NAA25: variants seen among roughly 807,000 people sequenced by gnomAD.
NAA25 encodes N-alpha-acetyltransferase 25, NatB auxiliary subunit, also known as N-terminal acetyltransferase B complex subunit NAA25.
NAA25 carries 30 observed loss-of-function variants against 132.5 expected under a neutral mutation model. The ratio of observed to expected loss-of-function variants is 0.23; its 90% CI spans 0.17 to 0.31. NAA25 has a LOEUF of 0.31. Ranked by LOEUF, NAA25 falls within the 10% of genes least tolerant of loss-of-function variation. NAA25 has a pLI of 1.00. For synonymous variants in NAA25, 359 were observed against 401.9 expected (o/e 0.89, Z 1.28); for missense variants, 771 against 1,150.4 (o/e 0.67, Z 4.77).
chr12:112,043,342 T>C, intron 18 of NAA25, 131 bp from the exon 19 acceptor site: 1 of 950,908 alleles, frequency 1.1e-6, no homozygotes, highest in South Asian at 2.0e-5. Flanking sequence ...AGCAAACTAA[T>C]AACTGAATCA....
chr12:112,033,505 A>C (rs2078178641), intron 22 of NAA25, 126 bp from the exon 23 acceptor site: 2 of 767,982 alleles, frequency 2.6e-6, no homozygotes, highest in Non-Finnish European at 3.9e-6. Context: ...GTTTCAAGTG[A>C]ATGAATGGTA....
chr12:112,077,879 T>TA (rs887833322), intron 7 of NAA25, among the ~76,000 whole-genome samples: 6 of 148,030 alleles, frequency 4.1e-5, no homozygotes, highest in Admixed American at 6.8e-5. Context: ...CATTCGTGTT[T>TA]AAAAAAAAAA....
intron 5 of NAA25, 82 bp downstream of exon 5, chr12:112,080,978 C>A (rs944122539): frequency 4.4e-5 from 53 of 1,198,574 alleles, no homozygotes; most frequent in African/African-American, 2.9e-4. Flanking sequence ...ACAAAAAAAA[C>A]CAGTTCAGAA....
intron 7 of NAA25, 38 bp downstream of exon 7, chr12:112,078,150 G>GAAA: frequency 8.8e-7 from 1 of 1,131,100 alleles, no homozygotes. Context: ...GTTTAAATAG[G>GAAA]AAAAAAAAAA....
At chr12:112,069,779 C>T (rs2078776781) in intron 10 of NAA25, among the ~76,000 whole-genome samples, 2 of 149,242 alleles carry the variant, frequency 1.3e-5, no homozygotes, top group Non-Finnish European at 3.0e-5. Context: ...GAGACTGCGC[C>T]ACTGCACTCC....
At chr12:112,062,401 A>G (rs1283605483) in intron 11 of NAA25, among the ~76,000 whole-genome samples, 7 of 131,082 alleles carry the variant, frequency 5.3e-5, no homozygotes, top group African/African-American at 2.1e-4. Context: ...ACTCCATCTC[A>G]AAAAAAAAAA....
At chr12:112,048,623 T>C (rs1375254982) in intron 15 of NAA25, among the ~76,000 whole-genome samples, 180 bp from the exon 16 acceptor site, 7 of 152,256 alleles carry the variant, frequency 4.6e-5, no homozygotes, top group Non-Finnish European at 1.0e-4. Context: ...TCTTATACTT[T>C]AGACAAATGT....
chr12:112,097,326 G>C (rs144770263), intron 1 of NAA25: 1 of 152,006 alleles, frequency 6.6e-6, no homozygotes, highest in African/African-American at 2.4e-5. Context: ...GAGTTGTCTC[G>C]GCCAGGCGTG....
In NAA25 at chr12:112,054,426, G is replaced by A. The variant is rs2078514289; in HGVS notation, c.1590C>T (p.Ser530=). The stretch of plus-strand genomic sequence containing the variant: ...GCTGGATATGCTTAGCATCGAGGCT[G>A]GAGTAAAGATCCACCACTGGTTCAA... ...GAFEPVVDLY[S]SLDAKHIQHD... The change falls in exon 14 of 24, where the codon TCC becomes TCT. Residue 530 remains serine, a synonymous_variant. Coordinates refer to ENST00000261745, the MANE Select transcript of NAA25 (RefSeq NM_024953.4). 1 of 1,614,126 alleles carries A rather than the reference G, an allele frequency of 6.2e-7. No homozygotes were observed.
intron 9 of NAA25, among the ~76,000 whole-genome samples, chr12:112,073,550 C>G (rs2078847562): frequency 6.6e-6 from 1 of 152,172 alleles, no homozygotes; most frequent in African/African-American, 2.4e-5. Context: ...CATTCTCCCT[C>G]CTCAGCCTCC....
rs1346587221 is a variant in NAA25, at chr12:112,078,651, T to C, written c.568A>G (p.Ile190Val). The C allele has an allele frequency of 1.2e-6, 2 of 1,613,934 alleles. No individual in the cohort carries two copies. Among genetic ancestry groups the C allele is most frequent in the Admixed American group, 1.7e-5 (1 of 60,014 alleles). Residue 190 changes from isoleucine to valine, a missense_variant, in exon 6 of 24, where the codon ATA becomes GTA. By Grantham distance (29) the Ile-to-Val change is conservative. Around this residue, in one of 3 missense-constraint regions of NAA25, gnomAD observed 417 missense variants for 733.8 expected, o/e 0.57. Transcript: ENST00000261745. ...MVEKMVKEDKIEAEAEVELYY... is the reference protein window; with the variant it reads ...MVEKMVKEDKVEAEAEVELYY... ...ATACTCACTTCAGCCTCAGCTTCTA[T>C]CTTGTCCTCTTTCACCATTTTTTCG...
intron 15 of NAA25, among the ~76,000 whole-genome samples, chr12:112,053,200 T>C (rs2078492116): frequency 6.6e-6 from 1 of 152,234 alleles, no homozygotes; most frequent in Non-Finnish European, 1.5e-5. Flanking sequence ...GCAGCTGCTA[T>C]TGCAGGATGT....
In NAA25 at chr12:112,044,858, T is replaced by C. The variant is rs1180955729; in HGVS notation, c.2007-990A>G. ...GAGTTGGAGAACAGCCTGGTAAACA[T>C]AGCAAGACCCAGTCTCTAAAAAAAA... On this transcript the variant is annotated intron_variant, in intron 17 of 23. Coordinates refer to ENST00000261745, the MANE Select transcript of NAA25 (RefSeq NM_024953.4). Among the ~76,000 whole-genome samples, 43 of 132,788 alleles carry C rather than the reference T, an allele frequency of 3.2e-4. 1 individual carries two copies. Among genetic ancestry groups the C allele is most frequent in the African/African-American group, 1.4e-4 (5 of 35,032 alleles). 87.1% of individuals were successfully genotyped at this position (132,788 alleles called of 152,430 possible). A position where few individuals can be genotyped will look rare whatever the true frequency, so the allele number is the denominator to read the frequency against.
rs11066133 is a variant in NAA25, at chr12:112,030,728, T to C, written c.2797-1075A>G. Among the ~76,000 whole-genome samples, 150 of 152,326 alleles carry C rather than the reference T, an allele frequency of 9.8e-4. 1 individual carries two copies. The East Asian group carries it at 0.025, about 26-fold the overall frequency. The stretch of plus-strand genomic sequence containing the variant: ...ATACTTTCTGACCCAACAATACTAG[T>C]ACTTCAGACCTAATTTTCCTTAGAA... On this transcript the variant is annotated intron_variant, in intron 23 of 23. Transcript: ENST00000261745.
At chr12:112,085,179 A>G (rs1050959543) in intron 4 of NAA25, among the ~76,000 whole-genome samples, 4 of 151,990 alleles carry the variant, frequency 2.6e-5, no homozygotes, top group Non-Finnish European at 2.9e-5. Context: ...GCAGTGAGCC[A>G]AGATCACACC....
In NAA25 at chr12:112,087,671, G is replaced by C; in HGVS notation, c.402+12C>G. ...AAATCCCATAGCCCAGTAGGTTTGG[G>C]GATCAAATTACCTGTTGCATTTTCT... On this transcript the variant is annotated intron_variant, in intron 4 of 23. Coordinates refer to ENST00000261745, the MANE Select transcript of NAA25 (RefSeq NM_024953.4). 6.3e-7 allele frequency: 1 copy of C among 1,586,784 alleles called. No individual in the cohort carries two copies. The highest frequency in any genetic ancestry group is 8.6e-7 in the Non-Finnish European group (1 of 1,156,092).
intron 1 of NAA25, among the ~76,000 whole-genome samples, chr12:112,098,285 C>T (rs1477508062): frequency 1.3e-5 from 2 of 152,122 alleles, no homozygotes; most frequent in Non-Finnish European, 2.9e-5. Context: ...TTACAGTAAC[C>T]GTCTTTACTT....
chr12:112,048,234 G>T, intron 16 of NAA25, 58 bp downstream of exon 16: 1 of 1,518,698 alleles, frequency 6.6e-7, no homozygotes, highest in Non-Finnish European at 9.0e-7. Flanking sequence ...GCCCATTAAT[G>T]GCTCTTAACA....
intron 1 of NAA25, among the ~76,000 whole-genome samples, chr12:112,099,324 G>A (rs1191702743): frequency 6.6e-6 from 1 of 151,252 alleles, no homozygotes; most frequent in Non-Finnish European, 1.5e-5. Flanking sequence ...AGGTCCTGAA[G>A]TTTCACAAGT....
Sources: allele counts gnomAD v4.1 joint callset (sites outside exome capture counted in the v4.1 genomes callset), GRCh38; gene constraint gnomAD v4.1.1; regional missense constraint gnomAD v4.1.1; transcripts MANE v1.5; gene names NCBI Gene and HGNC (gene_info 2026-07-23, HGNC 2026-07-21).